The following MROH7 variants were observed in gnomAD, a reference collection of about 807,000 sequenced individuals.
MROH7 encodes maestro heat like repeat family member 7, also known as maestro heat-like repeat-containing protein family member 7.
A neutral mutation model predicts 129.2 loss-of-function variants in MROH7; 113 were observed. That is an observed-to-expected ratio of 0.87 (90% CI 0.75 to 1.02). The LOEUF is 1.02. MROH7 is among the 50% of genes least tolerant of loss of function. MROH7 has a pLI of 0.00. For missense variants in MROH7, 1,601 were observed against 1,671.3 expected, an observed-to-expected ratio of 0.96 and a Z score of 0.73; for synonymous variants, 655 against 667.9, an observed-to-expected ratio of 0.98 and a Z score of 0.30.
intron 7 of MROH7, among the ~76,000 whole-genome samples, chr1:54,672,256 G>A (rs929170551): frequency 5.3e-5 from 8 of 151,844 alleles, no homozygotes; most frequent in African/African-American, 1.9e-4. Context: ...GGAAGGAGGA[G>A]GCAGGTGGTG....
At chr1:54,662,306 C>T (rs188378915) in intron 3 of MROH7, among the ~76,000 whole-genome samples, 29 of 152,116 alleles carry the variant, frequency 1.9e-4, no homozygotes, top group African/African-American at 6.0e-4. Context: ...GAGGCCGAGG[C>T]GGGCAGATCA....
chr1:54,701,726 G>T (rs549200568), intron 19 of MROH7, among the ~76,000 whole-genome samples: 19 of 152,032 alleles, frequency 1.2e-4, no homozygotes, highest in African/African-American at 4.6e-4. Context: ...GCACCACTAT[G>T]CCCAGCTAAT....
chr1:54,684,963 T>G (rs1461031772), intron 14 of MROH7, among the ~76,000 whole-genome samples: 1 of 152,210 alleles, frequency 6.6e-6, no homozygotes, highest in East Asian at 1.9e-4. Flanking sequence ...TCTTTCACTT[T>G]GCAATTAAAT....
At chr1:54,658,558 A>G (rs1644683299) in intron 3 of MROH7, among the ~76,000 whole-genome samples, 1 of 152,182 alleles carries the variant, frequency 6.6e-6, no homozygotes, top group African/African-American at 2.4e-5. Context: ...TTTGGGGTAT[A>G]AGATGGATCA....
At position 54,700,446 on chromosome 1, in the gene MROH7, C is replaced by T. The variant is rs376069052; in HGVS notation, c.3090C>T (p.Ala1030=). Residue 1030 remains alanine (A), a synonymous_variant, in exon 18 of 24, where the codon GCC becomes GCT. Coordinates refer to ENST00000421030, the MANE Select transcript of MROH7 (RefSeq NM_001039464.4). ...VLSIRGLVIL[A]RRSEKTAKVK... is the part of the protein sequence containing the mutation. ...CCATTCGAGGCCTGGTCATCCTGGC[C>T]CGCAGGTCTGAGAAGGTGAGTGGGA... is the stretch of plus-strand genomic sequence containing the variant. 1.9e-6 allele frequency: 3 copies of T among 1,600,786 alleles called. No homozygotes were observed. The highest frequency in any genetic ancestry group is 1.7e-6 in the Non-Finnish European group (2 of 1,172,690).
At chr1:54,692,689 T>C in intron 16 of MROH7, 128 bp downstream of exon 16, 6 of 929,358 alleles carry the variant, frequency 6.5e-6, no homozygotes, top group Non-Finnish European at 9.4e-6. Flanking sequence ...ACCTCTTCTC[T>C]ACAACTGGGA....
intron 3 of MROH7, among the ~76,000 whole-genome samples, chr1:54,661,145 A>G (rs966093128): frequency 2.6e-5 from 4 of 152,066 alleles, no homozygotes; most frequent in African/African-American, 9.7e-5. Context: ...TGTTAGATAC[A>G]TGAATTTTGA....
rs1422357566 is a variant in MROH7 at position 54,703,486 on chromosome 1, C to G, written c.3564+741C>G. On this transcript the variant is annotated intron_variant, in intron 21 of 23. Transcript: ENST00000421030. This position sits in a 1 kb window ranked among gnomAD's most constrained non-coding sequence, Gnocchi z 4.4. ...TCCTCTTGGAGATTTGCAATGACAT[C>G]AGGATACTAAAGGCTCTGAGATGTT... Among the ~76,000 whole-genome samples, 1 of 152,146 alleles carries G rather than the reference C, an allele frequency of 6.6e-6. No homozygotes were observed. The highest frequency in any genetic ancestry group is 1.5e-5 in the Non-Finnish European group (1 of 68,048).
intron 2 of MROH7, among the ~76,000 whole-genome samples, chr1:54,652,289 T>G (rs912316311): frequency 2.0e-5 from 3 of 152,204 alleles, no homozygotes; most frequent in Non-Finnish European, 4.4e-5. Flanking sequence ...GGGCTCCTTG[T>G]TGGTGCACTT....
intron 17 of MROH7, chr1:54,697,735 C>T (rs1371433336): frequency 1.4e-6 from 1 of 699,686 alleles, no homozygotes; most frequent in Non-Finnish European, 2.6e-6. Flanking sequence ...TCAGAGAGTC[C>T]AGAGAGATTC....
rs544785256 is a variant in MROH7, at chr1:54,703,209, C to A, written c.3564+464C>A. On this transcript the variant is annotated intron_variant, in intron 21 of 23. Coordinates refer to ENST00000421030, the MANE Select transcript of MROH7 (RefSeq NM_001039464.4). This position sits in a 1 kb window ranked among gnomAD's most constrained non-coding sequence, Gnocchi z 4.4. ...CCCCTCAGTTAGGCTATTGGCCCAGCCACCCAAGGGGTCTCCCAGCCTTTA... is the reference window on the plus strand; with the variant it reads ...CCCCTCAGTTAGGCTATTGGCCCAGACACCCAAGGGGTCTCCCAGCCTTTA... Among the ~76,000 whole-genome samples the A allele has an allele frequency of 6.8e-4, 103 of 152,302 alleles. No individual in the cohort carries two copies. The highest frequency in any genetic ancestry group is 2.5e-3 in the African/African-American group (102 of 41,572).
At position 54,668,892 on chromosome 1, in the gene MROH7, G is replaced by T. The variant is rs561256235; in HGVS notation, c.1344G>T (p.Leu448=). 1.2e-6 allele frequency: 2 copies of T among 1,614,000 alleles called. No homozygotes were observed. Among genetic ancestry groups the T allele is most frequent in the African/African-American group, 2.7e-5 (2 of 75,008 alleles). ...CCACCCTTCAGAAGAGCCAGGATCT[G>T]CTGGAGGCAGAAGGAGAAAAGAAGA... is the stretch of plus-strand genomic sequence containing the variant. ...NVTTLQKSQD[L]LEAEGEKKTM... The change falls in exon 5 of 24, where the codon CTG becomes CTT. Residue 448 remains leucine (L), a synonymous_variant. Transcript: ENST00000421030.
intron 10 of MROH7, among the ~76,000 whole-genome samples, chr1:54,677,968 GGTACCACCA>G (rs1208131562): frequency 3.3e-5 from 5 of 152,160 alleles, no homozygotes; most frequent in Admixed American, 2.0e-4. Context: ...GAAAAGGATT[GGTACCACCA>G]GGGGTAGGGG....
chr1:54,671,112 GC>G (rs1268756039), intron 7 of MROH7, among the ~76,000 whole-genome samples, 183 bp downstream of exon 7: 2 of 152,178 alleles, frequency 1.3e-5, no homozygotes, highest in Non-Finnish European at 2.9e-5. Context: ...ACCCAGCTGG[GC>G]GCGGTGGCTC....
At chr1:54,652,612 C>T (rs559131304) in intron 2 of MROH7, among the ~76,000 whole-genome samples, 1 of 152,228 alleles carries the variant, frequency 6.6e-6, no homozygotes, top group Non-Finnish European at 1.5e-5. Context: ...TGCAATCCTA[C>T]AAGCCAAGGG....
At chr1:54,700,295 G>A (rs576257304) in intron 17 of MROH7, 26 bp from the exon 18 acceptor site, 10 of 1,613,906 alleles carry the variant, frequency 6.2e-6, no homozygotes, top group South Asian at 1.1e-5. Context: ...CTCAGCCTGG[G>A]AAGTAATGAC....
chr1:54,653,633 C>T lies in MROH7; in HGVS notation c.707C>T (p.Ser236Phe). 2 of 1,614,186 alleles carry T rather than the reference C, an allele frequency of 1.2e-6. No homozygotes were observed. Among genetic ancestry groups the T allele is most frequent in the Non-Finnish European group, 1.7e-6 (2 of 1,180,030 alleles). The change falls in exon 3 of 24, where the codon TCT becomes TTT. Residue 236 changes from serine (S) to phenylalanine (F), a missense_variant. By Grantham distance (155) the Ser-to-Phe change is radical. Transcript: ENST00000421030. ...SKLNLNVAPD[S>F]HGTLIPDTNE... The stretch of plus-strand genomic sequence containing the variant: ...CTGAACCTGAATGTAGCTCCAGATT[C>T]TCATGGGACCCTAATCCCAGACACA...
chr1:54,653,893 C>T lies in MROH7; in HGVS notation c.967C>T (p.Pro323Ser). The T allele has an allele frequency of 3.1e-6, 5 of 1,614,076 alleles. No individual in the cohort carries two copies. The highest frequency in any genetic ancestry group is 4.2e-6 in the Non-Finnish European group (5 of 1,179,948). The change falls in exon 3 of 24, where the codon CCA becomes TCA. Residue 323 changes from proline to serine, a missense_variant. Coordinates refer to ENST00000421030, the MANE Select transcript of MROH7 (RefSeq NM_001039464.4). ...STHEPNSTIS[P>S]PSCMTLILGS... Reference sequence around the variant, plus strand: ...CCATGAGCCCAACTCCACCATCTCTCCACCCTCATGCATGACTCTAATCCT... The same window carrying T: ...CCATGAGCCCAACTCCACCATCTCTTCACCCTCATGCATGACTCTAATCCT...
Position 54,699,171 on chromosome 1 carries a change from CTTTCTTTCTTTCTTTCTCTT to C in MROH7, c.2965-1148_2965-1129del, listed in dbSNP as rs1557727329. The stretch of plus-strand genomic sequence containing the variant: ...CTTTCTTTCTTTCTTTTCTTTCTTT[CTTTCTTTCTTTCTTTCTCTT>C]TCTTTCTTTCTTTCTCTCCCTCTCT... On this transcript the variant is annotated intron_variant, in intron 17 of 23. Coordinates refer to ENST00000421030, the MANE Select transcript of MROH7 (RefSeq NM_001039464.4). 2.5e-5 allele frequency: 3 copies of C among 122,076 alleles called. 1 individual carries two copies. The highest frequency in any genetic ancestry group is 3.2e-5 in the African/African-American group (1 of 31,080). The allele number at this position is 122,076 out of a possible 1,614,324, so 7.6% of individuals were successfully genotyped here.
Sources: allele counts gnomAD v4.1 joint callset (sites outside exome capture counted in the v4.1 genomes callset), GRCh38; gene constraint gnomAD v4.1.1; non-coding constraint Gnocchi (gnomAD v3.1); transcripts MANE v1.5; gene names NCBI Gene and HGNC (gene_info 2026-07-23, HGNC 2026-07-21).